Variants in ARHGAP35 observed in about 807,000 individuals in gnomAD.
ARHGAP35 encodes the protein Rho GTPase activating protein 35, also known as rho GTPase-activating protein 35.
ARHGAP35 carries 15 observed loss-of-function variants against 111.1 expected under a neutral mutation model. That is an observed-to-expected ratio of 0.13 (90% CI 0.09 to 0.21). ARHGAP35 has a LOEUF of 0.21. ARHGAP35 is among the 10% of genes least tolerant of loss of function. The probability of loss-of-function intolerance (pLI) is 1.00; values close to 1 mark genes in which losing one functional copy is unlikely to be tolerated. For synonymous variants in ARHGAP35, 643 were observed against 710.3 expected (o/e 0.91, Z 1.51); for missense variants, 1,262 against 1,873.0 (o/e 0.67, Z 6.02).
At chr19:46,905,613 G>A (rs552649943) in intron 1 of ARHGAP35, among the ~76,000 whole-genome samples, 33 of 151,312 alleles carry the variant, frequency 2.2e-4, no homozygotes, top group Middle Eastern at 6.8e-3. Context: ...GCAATGGCGC[G>A]ATCTCAGCTC....
At chr19:46,876,592 C>T (rs1216776598) in intron 1 of ARHGAP35, among the ~76,000 whole-genome samples, 1 of 151,834 alleles carries the variant, frequency 6.6e-6, no homozygotes, top group Admixed American at 6.6e-5. Flanking sequence ...AGGCTGGTCT[C>T]GAACTCCTGA....
At position 46,922,035 on chromosome 19, in the gene ARHGAP35, G is replaced by A; in HGVS notation, c.3360G>A (p.Arg1120=). 6.2e-7 allele frequency: 1 copy of A among 1,613,974 alleles called. No individual in the cohort carries two copies. The change falls in exon 2 of 7, where the codon CGG becomes CGA. Residue 1120 remains arginine, a synonymous_variant. Transcript: ENST00000672722. This position sits in a 1 kb window ranked among gnomAD's most constrained non-coding sequence, Gnocchi z 4.0. Reference sequence around the variant, plus strand: ...CCCAAGGCAAAATCATCACCATTCGGAATATCAACAAAGCCCAGTCCAACG... The same window carrying A: ...CCCAAGGCAAAATCATCACCATTCGAAATATCAACAAAGCCCAGTCCAACG... ...DSTQGKIITI[R]NINKAQSNGS...
At chr19:46,981,069 A>G (rs943976637) in intron 3 of ARHGAP35, among the ~76,000 whole-genome samples, 1 of 152,120 alleles carries the variant, frequency 6.6e-6, no homozygotes, top group Non-Finnish European at 1.5e-5. Flanking sequence ...CCATAGATAC[A>G]CTGTTAGCAT....
chr19:46,938,062 G>T lies in ARHGAP35; in HGVS notation c.3826+654G>T, dbSNP rs967655041. On this transcript the variant is annotated intron_variant, in intron 3 of 6. Transcript: ENST00000672722. ...TTGCTTTATTCATTTGAGCTCTCATGTGTCCCTTTGGCCTTCCAGTTTCAC... is the reference window on the plus strand; with the variant it reads ...TTGCTTTATTCATTTGAGCTCTCATTTGTCCCTTTGGCCTTCCAGTTTCAC... Among the ~76,000 whole-genome samples the T allele has an allele frequency of 4.6e-5, 7 of 152,354 alleles. No homozygotes were observed. In the East Asian group the frequency reaches 1.3e-3, roughly 29 times the overall value.
intron 3 of ARHGAP35, among the ~76,000 whole-genome samples, chr19:46,951,612 G>A (rs62136801): frequency 2.5e-3 from 379 of 152,300 alleles, no homozygotes; most frequent in Non-Finnish European, 3.7e-3. Context: ...TGAGTCATGA[G>A]ATGATTCAGT....
intron 3 of ARHGAP35, among the ~76,000 whole-genome samples, chr19:46,944,603 A>G (rs899312629): frequency 3.3e-5 from 5 of 152,166 alleles, no homozygotes; most frequent in African/African-American, 1.2e-4. Context: ...AGAGGATGCA[A>G]GAGCTGGTAT....
intron 2 of ARHGAP35, among the ~76,000 whole-genome samples, chr19:46,924,520 T>C (rs2056227496): frequency 6.6e-6 from 1 of 152,232 alleles, no homozygotes; most frequent in Non-Finnish European, 1.5e-5. Context: ...CTGATTTTCC[T>C]TTGCCTGGCT....
chr19:46,923,100 CTCT>C (rs1433946151), intron 2 of ARHGAP35, among the ~76,000 whole-genome samples: 1 of 139,960 alleles, frequency 7.1e-6, no homozygotes, highest in African/African-American at 2.7e-5. Flanking sequence ...CAAATGAAGT[CTCT>C]TTTTTTTTTT....
intron 1 of ARHGAP35, among the ~76,000 whole-genome samples, chr19:46,874,806 T>C (rs1296954986): frequency 7.1e-6 from 1 of 140,526 alleles, no homozygotes; most frequent in Non-Finnish European, 1.5e-5. Flanking sequence ...CCGGCAGTTT[T>C]GTCCTTTTTT....
intron 5 of ARHGAP35, among the ~76,000 whole-genome samples, chr19:46,998,339 C>A (rs553569807): frequency 6.6e-6 from 1 of 152,320 alleles, no homozygotes; most frequent in Admixed American, 6.5e-5. Context: ...CTTCGTGAGA[C>A]CCTCCTGTGG....
At chr19:46,870,918 A>G (rs1305692890) in intron 1 of ARHGAP35, among the ~76,000 whole-genome samples, 1 of 152,196 alleles carries the variant, frequency 6.6e-6, no homozygotes, top group Admixed American at 6.5e-5. Context: ...AATTTTTTGC[A>G]TGTTGTACAA....
At position 46,918,609 on chromosome 19, in the gene ARHGAP35, C is replaced by A; in HGVS notation, c.-67C>A. On this transcript the variant is annotated 5_prime_UTR_variant, in exon 2 of 7. In the 5' UTR this introduces an upstream ATG that the reference lacks. Coordinates refer to ENST00000672722, the MANE Select transcript of ARHGAP35 (RefSeq NM_004491.5). The surrounding 1 kb of genome is among the most constrained non-coding windows in gnomAD (Gnocchi z 5.4). ...CCACCCCCACTAATAATGTAGGAAG[C>A]TGTCTGGTCCATTGGAAACACTAAT... 1 of 1,488,056 alleles carries A rather than the reference C, an allele frequency of 6.7e-7. No homozygotes were observed. The highest frequency in any genetic ancestry group is 9.2e-7 in the Non-Finnish European group (1 of 1,090,200). 92.2% of individuals were successfully genotyped at this position (1,488,056 alleles called of 1,614,324 possible).
intron 1 of ARHGAP35, among the ~76,000 whole-genome samples, chr19:46,895,457 G>C (rs1479887860): frequency 6.6e-6 from 1 of 152,124 alleles, no homozygotes; most frequent in Non-Finnish European, 1.5e-5. Context: ...GAGCCACCGC[G>C]CCCAGCCGGG....
chr19:46,909,868 A>T (rs2122179853), intron 1 of ARHGAP35, among the ~76,000 whole-genome samples: 1 of 152,142 alleles, frequency 6.6e-6, no homozygotes, highest in East Asian at 1.9e-4. Context: ...TGCAGCCTTG[A>T]ACTCCTGGGC....
Position 46,919,211 on chromosome 19 carries a change from A to G in ARHGAP35, c.536A>G (p.Lys179Arg). The change falls in exon 2 of 7, where the codon AAG becomes AGG. Residue 179 changes from lysine (K) to arginine (R), a missense_variant. By Grantham distance (26) the Lys-to-Arg change is conservative (BLOSUM62 2). Around this residue, in one of 8 missense-constraint regions of ARHGAP35, gnomAD observed 125 missense variants for 301.7 expected, o/e 0.41. Coordinates refer to ENST00000672722, the MANE Select transcript of ARHGAP35 (RefSeq NM_004491.5). This position sits in a 1 kb window ranked among gnomAD's most constrained non-coding sequence, Gnocchi z 6.2. The stretch of plus-strand genomic sequence containing the variant: ...AATAGGAACTTTGATGACCAGCTCA[A>G]GTTTGTCTCCAATCTCTACAATCAG... ...GMNRNFDDQL[K>R]FVSNLYNQLA... 1 of 1,614,006 alleles carries G rather than the reference A, an allele frequency of 6.2e-7. No individual in the cohort carries two copies.
At chr19:46,896,990 C>A (rs2056060813) in intron 1 of ARHGAP35, among the ~76,000 whole-genome samples, 1 of 151,940 alleles carries the variant, frequency 6.6e-6, no homozygotes, top group South Asian at 2.1e-4. Flanking sequence ...GCCTCCCAGG[C>A]TCAAGGGATC....
rs371593183 is a variant in ARHGAP35 at position 46,926,351 on chromosome 19, G to T, written c.3681+3995G>T. Among the ~76,000 whole-genome samples, 43 of 152,244 alleles carry T rather than the reference G, an allele frequency of 2.8e-4. No individual in the cohort carries two copies. In the East Asian group the frequency reaches 3.3e-3, roughly 12 times the overall value. On this transcript the variant is annotated intron_variant, in intron 2 of 6. Transcript: ENST00000672722. This position sits in a 1 kb window ranked among gnomAD's most constrained non-coding sequence, Gnocchi z 4.1. ...CAGCTGAATGAAATTGAAAATCTAC[G>T]ATTGCACTTCAGTAGGGTCCATGAA...
At chr19:46,930,580 G>T (rs1326208817) in intron 2 of ARHGAP35, among the ~76,000 whole-genome samples, 1 of 144,972 alleles carries the variant, frequency 6.9e-6, no homozygotes, top group Non-Finnish European at 1.5e-5. Context: ...GGCTATACTA[G>T]ATGGTACAAC....
chr19:46,870,613 C>CA (rs1268357061), intron 1 of ARHGAP35, among the ~76,000 whole-genome samples: 1 of 151,900 alleles, frequency 6.6e-6, no homozygotes, highest in African/African-American at 2.4e-5. Flanking sequence ...TCTGATTGGT[C>CA]AGTCAACTGA....
Sources: gnomAD v4.1 joint callset for allele counts (sites outside exome capture counted in the v4.1 genomes callset) on GRCh38, gnomAD v4.1.1 for gene constraint, gnomAD v4.1.1 regional missense constraint, Gnocchi (gnomAD v3.1) non-coding constraint, MANE v1.5 for transcripts, NCBI Gene and HGNC (gene_info 2026-07-23, HGNC 2026-07-21) for gene names.